The following GABRA1 variants were observed in gnomAD, a reference collection of about 807,000 sequenced individuals.
GABRA1 encodes the protein gamma-aminobutyric acid receptor subunit alpha-1.
Under a neutral mutation model 48.9 loss-of-function variants are expected in GABRA1, and 9 were observed. The ratio of observed to expected loss-of-function variants is 0.18; its 90% CI spans 0.11 to 0.32. The LOEUF is 0.32. GABRA1 is among the 10% of genes least tolerant of loss of function. The pLI is 1.00. For missense variants in GABRA1, 285 were observed against 553.8 expected (o/e 0.51, Z 4.87); for synonymous variants, 210 against 198.7 (o/e 1.06, Z -0.48).
chr5:161,893,011 AT>A (rs374534630), intron 8 of GABRA1, among the ~76,000 whole-genome samples: 16,537 of 100,772 alleles, frequency 0.16, 2,197 homozygotes, highest in African/African-American at 0.4. Flanking sequence ...TCTCAAAAAA[AT>A]AATAATAATA....
At chr5:161,872,653 G>C (rs1185921873) in intron 4 of GABRA1, among the ~76,000 whole-genome samples, 1 of 152,076 alleles carries the variant, frequency 6.6e-6, no homozygotes, top group Non-Finnish European at 1.5e-5. Flanking sequence ...ATTTACTTGG[G>C]TGTGGGCATG....
chr5:161,882,844 A>G, intron 7 of GABRA1, 143 bp downstream of exon 7: 2 of 816,380 alleles, frequency 2.4e-6, no homozygotes, highest in Non-Finnish European at 4.1e-6. Flanking sequence ...GAACTAATGT[A>G]AACTCGGTAG....
intron 8 of GABRA1, among the ~76,000 whole-genome samples, chr5:161,895,412 A>G (rs554344376): frequency 1.2e-4 from 18 of 152,270 alleles, no homozygotes; most frequent in Non-Finnish European, 2.2e-4. Context: ...GGAGCTTACT[A>G]TCTTCTGAAG....
rs1165307297 is a variant in GABRA1, at chr5:161,850,628, T to A, written c.-15-168T>A. ...CTGAATGGAGAAATGGAAGGGAAAG[T>A]GGAGAATGGATGGTCCAGGTTTCCA... On this transcript the variant is annotated intron_variant, in intron 1 of 9. Coordinates refer to ENST00000393943, the MANE Select transcript of GABRA1 (RefSeq NM_001127644.2). 14 of 636,420 alleles carry A rather than the reference T, an allele frequency of 2.2e-5. No individual in the cohort carries two copies. In the South Asian group the frequency reaches 2.3e-4, roughly 11 times the overall value. 39.4% of individuals were successfully genotyped at this position (636,420 alleles called of 1,614,324 possible). A position where few individuals can be genotyped will look rare whatever the true frequency, so the allele number is the denominator to read the frequency against.
intron 8 of GABRA1, among the ~76,000 whole-genome samples, chr5:161,893,285 A>G (rs1755204357): frequency 6.6e-6 from 1 of 152,020 alleles, no homozygotes; most frequent in Non-Finnish European, 1.5e-5. Context: ...GAACATAACT[A>G]TATGTCTGTA....
intron 7 of GABRA1, among the ~76,000 whole-genome samples, chr5:161,889,180 A>G (rs531871291): frequency 6.6e-6 from 1 of 152,208 alleles, no homozygotes; most frequent in East Asian, 1.9e-4. Flanking sequence ...TTCCTGCTAC[A>G]GAAAGCAGGA....
intron 3 of GABRA1, among the ~76,000 whole-genome samples, chr5:161,862,508 C>T (rs1178616616): frequency 6.6e-6 from 1 of 151,732 alleles, no homozygotes; most frequent in Non-Finnish European, 1.5e-5. Context: ...TTTTTCAGAG[C>T]ATTTATAATC....
chr5:161,896,971 A>G (rs763471805), intron 9 of GABRA1, 140 bp from the exon 10 acceptor site: 13 of 719,174 alleles, frequency 1.8e-5, no homozygotes, highest in Non-Finnish European at 2.6e-5. Flanking sequence ...TATTATAATA[A>G]GACAGGCATA....
At chr5:161,850,744 A>G in intron 1 of GABRA1, 52 bp from the exon 2 acceptor site, 2 of 1,475,202 alleles carry the variant, frequency 1.4e-6, no homozygotes. Flanking sequence ...TGGTGGTTAT[A>G]ACCTGATGTT....
At chr5:161,891,868 A>G (rs1755106216) in intron 8 of GABRA1, among the ~76,000 whole-genome samples, 1 of 152,218 alleles carries the variant, frequency 6.6e-6, no homozygotes, top group Non-Finnish European at 1.5e-5. Context: ...CTTAAAATTG[A>G]GTAATCATAA....
At chr5:161,868,305 T>C (rs145758167) in intron 4 of GABRA1, among the ~76,000 whole-genome samples, 1 of 152,250 alleles carries the variant, frequency 6.6e-6, no homozygotes, top group African/African-American at 2.4e-5. Context: ...GGGGTGTACA[T>C]TATGCATGTA....
Position 161,865,655 on chromosome 5 carries a change from T to C in GABRA1, c.188-66T>C, listed in dbSNP as rs531651661. On this transcript the variant is annotated intron_variant, in intron 3 of 9. Transcript: ENST00000393943. Reference sequence around the variant, plus strand: ...TCAATTTCCCATTTGGGTGTCAGTATGTGGTGGTGAGATCTAATAAGGACG... The same window carrying C: ...TCAATTTCCCATTTGGGTGTCAGTACGTGGTGGTGAGATCTAATAAGGACG... 5 of 1,229,436 alleles carry C rather than the reference T, an allele frequency of 4.1e-6. No individual in the cohort carries two copies. In the African/African-American group the frequency reaches 4.5e-5, roughly 11 times the overall value. 76.2% of individuals were successfully genotyped at this position (1,229,436 alleles called of 1,614,324 possible). A position where few individuals can be genotyped will look rare whatever the true frequency, so the allele number is the denominator to read the frequency against.
intron 4 of GABRA1, among the ~76,000 whole-genome samples, chr5:161,867,044 C>A (rs1045755894): frequency 2.0e-4 from 30 of 152,092 alleles, no homozygotes; most frequent in Non-Finnish European, 3.1e-4. Context: ...TGCCACTTAA[C>A]AAATTTTAGC....
chr5:161,861,234 G>C (rs138881645), intron 3 of GABRA1, among the ~76,000 whole-genome samples: 49 of 151,878 alleles, frequency 3.2e-4, no homozygotes, highest in African/African-American at 1.1e-3. Flanking sequence ...ATTACTCACT[G>C]CATGCTTGTA....
Position 161,897,746 on chromosome 5 carries a change from CT to C in GABRA1, c.*325del, listed in dbSNP as rs1755437885. 3 of 252,756 alleles carry C rather than the reference CT, an allele frequency of 1.2e-5. No homozygotes were observed. In the South Asian group the frequency reaches 2.1e-4, roughly 18 times the overall value. The allele number at this position is 252,756 out of a possible 1,614,324, so 15.7% of individuals were successfully genotyped here. On this transcript the variant is annotated 3_prime_UTR_variant, in exon 10 of 10. Coordinates refer to ENST00000393943, the MANE Select transcript of GABRA1 (RefSeq NM_001127644.2). The stretch of plus-strand genomic sequence containing the variant: ...AAAAAATAACACTTAACTAAAACCC[CT>C]AGGTCATTTGTAGATATATATTTCC...
rs940074128 is a variant in GABRA1, at chr5:161,898,260, G to A, written c.*838G>A. ...CACCCTATTTTCAGATAGCACATGA[G>A]CCCAACACTCACTTAATTCTCATTA... On this transcript the variant is annotated 3_prime_UTR_variant, in exon 10 of 10. Coordinates refer to ENST00000393943, the MANE Select transcript of GABRA1 (RefSeq NM_001127644.2). 1.3e-5 allele frequency: 2 copies of A among 152,468 alleles called. No individual in the cohort carries two copies. The highest frequency in any genetic ancestry group is 4.8e-5 in the African/African-American group (2 of 41,402). The allele number at this position is 152,468 out of a possible 1,614,324, so 9.4% of individuals were successfully genotyped here.
chr5:161,855,310 C>G (rs971780248), intron 3 of GABRA1, among the ~76,000 whole-genome samples: 1 of 151,474 alleles, frequency 6.6e-6, no homozygotes, highest in Non-Finnish European at 1.5e-5. Flanking sequence ...AAATATTTTG[C>G]ACAGTATAAT....
intron 3 of GABRA1, among the ~76,000 whole-genome samples, chr5:161,862,043 T>C (rs1757881249): frequency 6.6e-6 from 1 of 151,924 alleles, no homozygotes; most frequent in African/African-American, 2.4e-5. Context: ...ATGGTTGTGA[T>C]AGGATTACTA....
chr5:161,875,124 G>T (rs1387891635), intron 5 of GABRA1, among the ~76,000 whole-genome samples: 1 of 152,170 alleles, frequency 6.6e-6, no homozygotes, highest in Non-Finnish European at 1.5e-5. Flanking sequence ...CTATTTTAGA[G>T]AAAGAAGCAG....
Sources: allele counts gnomAD v4.1 joint callset (sites outside exome capture counted in the v4.1 genomes callset), GRCh38; gene constraint gnomAD v4.1.1; transcripts MANE v1.5; gene names NCBI Gene and HGNC (gene_info 2026-07-23, HGNC 2026-07-21).